Variants in ADAM32 observed in about 807,000 individuals in gnomAD.
ADAM32 encodes disintegrin and metalloproteinase domain-containing protein 32.
A neutral mutation model predicts 114.9 loss-of-function variants in ADAM32; 89 were observed. That is an observed-to-expected ratio of 0.77 (90% CI 0.65 to 0.92). ADAM32 has a LOEUF of 0.92. Among genes scored for constraint, ADAM32 ranks in the 40% least tolerant of loss-of-function variants. The pLI, the probability that ADAM32 is intolerant of heterozygous loss-of-function variation, is 0.00. For synonymous variants in ADAM32, 285 were observed against 307.5 expected (o/e 0.93, Z 0.77); for missense variants, 870 against 932.8 (o/e 0.93, Z 0.88).
chr8:39,185,961 T>G (rs1024437357), intron 10 of ADAM32, among the ~76,000 whole-genome samples: 1 of 152,146 alleles, frequency 6.6e-6, no homozygotes, highest in African/African-American at 2.4e-5. Flanking sequence ...AAAGAGATGT[T>G]ATTCCAATTG....
chr8:39,223,541 G>A (rs962393627), intron 14 of ADAM32: 4 of 164,792 alleles, frequency 2.4e-5, no homozygotes, highest in African/African-American at 9.6e-5. Flanking sequence ...TATGTTTTTA[G>A]GTGTATGATT....
At chr8:39,212,418 A>T (rs781339221) in intron 12 of ADAM32, among the ~76,000 whole-genome samples, 3 of 152,156 alleles carry the variant, frequency 2.0e-5, no homozygotes, top group Non-Finnish European at 4.4e-5. Flanking sequence ...AAATGTATAT[A>T]ACTATTGGTA....
At chr8:39,124,483 T>A (rs1801994161) in intron 2 of ADAM32, among the ~76,000 whole-genome samples, 1 of 151,762 alleles carries the variant, frequency 6.6e-6, no homozygotes, top group Non-Finnish European at 1.5e-5. Flanking sequence ...AGTGATGTGA[T>A]CTCTGCTCAC....
intron 10 of ADAM32, among the ~76,000 whole-genome samples, chr8:39,181,239 C>T (rs543537404): frequency 3.3e-5 from 5 of 152,278 alleles, no homozygotes; most frequent in Admixed American, 1.3e-4. Flanking sequence ...TAACACTCAC[C>T]ACGAAGATCT....
At chr8:39,270,842 G>T (rs759296168) in intron 19 of ADAM32, 34 bp from the exon 20 acceptor site, 21 of 1,576,486 alleles carry the variant, frequency 1.3e-5, no homozygotes, top group African/African-American at 2.7e-5. Context: ...AGTTTTCTAA[G>T]TACTAACATG....
chr8:39,222,499 A>G (rs1809040510), intron 13 of ADAM32, among the ~76,000 whole-genome samples: 1 of 152,068 alleles, frequency 6.6e-6, no homozygotes, highest in South Asian at 2.1e-4. Flanking sequence ...AATTCTATGT[A>G]TGAAAGAGTC....
intron 1 of ADAM32, among the ~76,000 whole-genome samples, chr8:39,114,021 A>G (rs1035526293): frequency 6.6e-6 from 1 of 152,138 alleles, no homozygotes; most frequent in Non-Finnish European, 1.5e-5. Flanking sequence ...ATCAACTATA[A>G]TTTCACATGA....
intron 11 of ADAM32, among the ~76,000 whole-genome samples, chr8:39,210,832 T>C (rs1808156433): frequency 6.6e-6 from 1 of 152,206 alleles, no homozygotes; most frequent in Admixed American, 6.5e-5. Context: ...TTTGAAGTGA[T>C]GTCTGTCCAA....
At chr8:39,116,286 G>A (rs765689473) in intron 1 of ADAM32, among the ~76,000 whole-genome samples, 5 of 152,156 alleles carry the variant, frequency 3.3e-5, no homozygotes, top group African/African-American at 4.8e-5. Flanking sequence ...GACATTGGTG[G>A]TTTGATAGAA....
chr8:39,184,024 G>A (rs1160289136), intron 10 of ADAM32, among the ~76,000 whole-genome samples: 1 of 152,206 alleles, frequency 6.6e-6, no homozygotes, highest in Non-Finnish European at 1.5e-5. Context: ...AATCCAACAG[G>A]GGCATAGTGC....
At chr8:39,184,980 G>C (rs1169842587) in intron 10 of ADAM32, among the ~76,000 whole-genome samples, 1 of 152,004 alleles carries the variant, frequency 6.6e-6, no homozygotes, top group African/African-American at 2.4e-5. Context: ...TGTTCCTGTT[G>C]GGGCTGGGCG....
rs145973238 is a variant in ADAM32, at chr8:39,185,307, A to T, written c.916-1602A>T. 1.7e-3 allele frequency among the ~76,000 whole-genome samples: 249 copies of T among 150,650 alleles called. 1 individual carries two copies. Among genetic ancestry groups the T allele is most frequent in the Middle Eastern group, 3.4e-3 (1 of 294 alleles). ...TTCCAACTGGTTTCAGAGAACCAAG[A>T]TCCATTGCACTATGCTACTGTCATC... is the stretch of plus-strand genomic sequence containing the variant. On this transcript the variant is annotated intron_variant, in intron 10 of 24. Coordinates refer to ENST00000379907, the MANE Select transcript of ADAM32 (RefSeq NM_145004.7).
At chr8:39,241,906 T>G (rs1227970332) in intron 16 of ADAM32, among the ~76,000 whole-genome samples, 1 of 152,262 alleles carries the variant, frequency 6.6e-6, no homozygotes, top group Non-Finnish European at 1.5e-5. Context: ...TCTATTGTGC[T>G]ATCAGGCTGC....
In ADAM32 at chr8:39,149,794, C is replaced by T. The variant is rs1259761596; in HGVS notation, c.280C>T (p.Gln94Ter). The change falls in exon 5 of 25, where the codon CAA (glutamine) becomes TAA (stop). Residue 94 changes from glutamine (Q) to a stop codon, truncating the protein, a stop_gained. Coordinates refer to ENST00000379907, the MANE Select transcript of ADAM32 (RefSeq NM_145004.7). LOFTEE classifies it high-confidence loss of function. ...MNTYSSDIQT[Q>*]CYYQGNIEGY... ...CTTTACTTTTTTTCTTTCCTAGACT[C>T]AATGCTACTATCAAGGAAATATTGA... 33 of 1,609,104 alleles carry T rather than the reference C, an allele frequency of 2.1e-5. No homozygotes were observed. The highest frequency in any genetic ancestry group is 2.5e-5 in the Non-Finnish European group (29 of 1,176,714).
intron 2 of ADAM32, among the ~76,000 whole-genome samples, chr8:39,125,092 T>A (rs1376340847): frequency 6.6e-6 from 1 of 152,228 alleles, no homozygotes; most frequent in East Asian, 1.9e-4. Context: ...GTATCTCAAA[T>A]GAGCAATGAT....
intron 16 of ADAM32, among the ~76,000 whole-genome samples, chr8:39,237,124 T>C (rs1159703644): frequency 2.6e-5 from 4 of 152,126 alleles, no homozygotes; most frequent in Admixed American, 6.6e-5. Context: ...AATTTAACCT[T>C]ACCTAGAGCT....
At chr8:39,223,318 A>G (rs1809114219) in intron 14 of ADAM32, 80 bp downstream of exon 14, 4 of 945,326 alleles carry the variant, frequency 4.2e-6, no homozygotes, top group Non-Finnish European at 5.8e-6. Flanking sequence ...ATTTTCATAT[A>G]TATAAAATGT....
chr8:39,115,807 C>T (rs906012249), intron 1 of ADAM32, among the ~76,000 whole-genome samples: 2 of 152,086 alleles, frequency 1.3e-5, no homozygotes, highest in African/African-American at 2.4e-5. Flanking sequence ...CATCATGAAA[C>T]CTTTGCCAAG....
Position 39,274,353 on chromosome 8 carries a change from A to G in ADAM32, c.2240+3A>G. The G allele has an allele frequency of 6.2e-7, 1 of 1,612,960 alleles. No homozygotes were observed. Among genetic ancestry groups the G allele is most frequent in the Non-Finnish European group, 8.5e-7 (1 of 1,179,320 alleles). On this transcript the variant is annotated splice_donor_region_variant and intron_variant, in intron 21 of 24. Transcript: ENST00000379907. ...AGCACTCAGACATATGCCAGCCAGT[A>G]AGTAGGTTAGAAGAGGTTTTTAAGA...
Sources: allele counts gnomAD v4.1 joint callset (sites outside exome capture counted in the v4.1 genomes callset), GRCh38; gene constraint gnomAD v4.1.1; transcripts MANE v1.5; gene names NCBI Gene and HGNC (gene_info 2026-07-23, HGNC 2026-07-21).